Variants in LGALSL observed in about 807,000 individuals in gnomAD.
LGALSL encodes galectin like, also known as galectin-related protein.
In LGALSL, 13 loss-of-function variants were observed where a neutral mutation model predicts 19.5. The observed-to-expected ratio is 0.67, with a 90% CI of 0.43 to 1.06. The LOEUF (loss-of-function observed/expected upper bound fraction) is 1.06. Among genes scored for constraint, LGALSL ranks in the 50% least tolerant of loss-of-function variants. LGALSL has a pLI of 0.00. For synonymous variants in LGALSL, 86 were observed against 78.3 expected (o/e 1.10, Z -0.52); for missense variants, 189 against 219.3 (o/e 0.86, Z 0.87).
Position 64,454,520 on chromosome 2 carries a change from C to T in LGALSL, c.-26C>T. 2.2e-6 allele frequency: 3 copies of T among 1,391,892 alleles called. No individual in the cohort carries two copies. Among genetic ancestry groups the T allele is most frequent in the Non-Finnish European group, 2.8e-6 (3 of 1,066,372 alleles). 86.2% of individuals were successfully genotyped at this position (1,391,892 alleles called of 1,614,324 possible). On this transcript the variant is annotated 5_prime_UTR_variant, in exon 1 of 5. In the 5' UTR this introduces an upstream ATG that the reference lacks. Coordinates refer to ENST00000238875, the MANE Select transcript of LGALSL (RefSeq NM_014181.3). This position sits in a 1 kb window ranked among gnomAD's most constrained non-coding sequence, Gnocchi z 5.1. Reference sequence around the variant, plus strand: ...ATCCCCGCCCGCGCGCCGCGTCCCACGTACCCCGCCGCGCCGGGCAAGAAG... The same window carrying T: ...ATCCCCGCCCGCGCGCCGCGTCCCATGTACCCCGCCGCGCCGGGCAAGAAG...
Position 64,455,305 on chromosome 2 carries a change from G to A in LGALSL, c.37-39G>A, listed in dbSNP as rs568010573. 60 of 1,392,020 alleles carry A rather than the reference G, an allele frequency of 4.3e-5. 1 individual carries two copies. In the Admixed American group the frequency reaches 8.5e-4, roughly 20 times the overall value. The allele number at this position is 1,392,020 out of a possible 1,614,324, so 86.2% of individuals were successfully genotyped here. On this transcript the variant is annotated intron_variant, in intron 1 of 4. Coordinates refer to ENST00000238875, the MANE Select transcript of LGALSL (RefSeq NM_014181.3). ...GTTCTTCCTCCAGCCCCCCAAAAAA[G>A]AGCCCATGGAAAGCCAATCTGTGTA...
At position 64,454,433 on chromosome 2, in the gene LGALSL, G is replaced by GCGCGCCCGCCGCCAGCTCGGACC; in HGVS notation, c.-105_-83dup. On this transcript the variant is annotated 5_prime_UTR_variant, in exon 1 of 5. Coordinates refer to ENST00000238875, the MANE Select transcript of LGALSL (RefSeq NM_014181.3). The surrounding 1 kb of genome is among the most constrained non-coding windows in gnomAD (Gnocchi z 5.1). ...CGCGCGCGCGCCCCCTCGTGTGTGC[G>GCGCGCCCGCCGCCAGCTCGGACC]CGCGCCCGCCGCCAGCTCGGACCCG... 2.2e-6 allele frequency: 1 copy of GCGCGCCCGCCGCCAGCTCGGACC among 447,824 alleles called. No individual in the cohort carries two copies. The highest frequency in any genetic ancestry group is 4.8e-5 in the East Asian group (1 of 20,710). The allele number at this position is 447,824 out of a possible 1,614,324, so 27.7% of individuals were successfully genotyped here.
rs1553386174 is a variant in LGALSL at position 64,459,350 on chromosome 2, CAAAG to C, written c.*924_*927del. On this transcript the variant is annotated 3_prime_UTR_variant, in exon 5 of 5. Transcript: ENST00000238875. The stretch of plus-strand genomic sequence containing the variant: ...ATTAAGTTGTTATTAATCAAAAACA[CAAAG>C]AGGTGATTGCTTAGACAATTTTTAA... The C allele has an allele frequency of 6.6e-5, 10 of 152,064 alleles. No individual in the cohort carries two copies. Among genetic ancestry groups the C allele is most frequent in the Non-Finnish European group, 7.4e-5 (5 of 68,010 alleles). 9.4% of individuals were successfully genotyped at this position (152,064 alleles called of 1,614,324 possible). A position where few individuals can be genotyped will look rare whatever the true frequency, so the allele number is the denominator to read the frequency against.
intron 4 of LGALSL, among the ~76,000 whole-genome samples, chr2:64,456,796 G>A (rs889818122): frequency 6.6e-6 from 1 of 152,106 alleles, no homozygotes; most frequent in African/African-American, 2.4e-5. Context: ...TCAATACTAA[G>A]TACCCACTTA....
Position 64,458,498 on chromosome 2 carries a change from C to T in LGALSL, c.*70C>T. Reference sequence around the variant, plus strand: ...CTGACTGTTGGTCTGGAAGAAGTGTCCTAGCAAGATCTGGAGACTTAAAAA... The same window carrying T: ...CTGACTGTTGGTCTGGAAGAAGTGTTCTAGCAAGATCTGGAGACTTAAAAA... On this transcript the variant is annotated 3_prime_UTR_variant, in exon 5 of 5. Transcript: ENST00000238875. 1 of 1,445,452 alleles carries T rather than the reference C, an allele frequency of 6.9e-7. No homozygotes were observed. Among genetic ancestry groups the T allele is most frequent in the East Asian group, 2.3e-5 (1 of 43,108 alleles). 89.5% of individuals were successfully genotyped at this position (1,445,452 alleles called of 1,614,324 possible).
In LGALSL at chr2:64,459,160, G is replaced by C. The variant is rs374359424; in HGVS notation, c.*732G>C. On this transcript the variant is annotated 3_prime_UTR_variant, in exon 5 of 5. Transcript: ENST00000238875. Reference sequence around the variant, plus strand: ...GATCTCTTGATATAAACTGCTGTAAGTGCTTTTGGGAAACCTTTGCAAAAC... The same window carrying C: ...GATCTCTTGATATAAACTGCTGTAACTGCTTTTGGGAAACCTTTGCAAAAC... 1 of 152,182 alleles carries C rather than the reference G, an allele frequency of 6.6e-6. No individual in the cohort carries two copies. Among genetic ancestry groups the C allele is most frequent in the East Asian group, 1.9e-4 (1 of 5,198 alleles). 9.4% of individuals were successfully genotyped at this position (152,182 alleles called of 1,614,324 possible). A position where few individuals can be genotyped will look rare whatever the true frequency, so the allele number is the denominator to read the frequency against.
In LGALSL at chr2:64,455,351, A is replaced by G. The variant is rs140862812; in HGVS notation, c.44A>G (p.Asp15Gly). Residue 15 changes from aspartate to glycine, a missense_variant, in exon 2 of 5, where the codon GAT becomes GGT. Physicochemically the swap from Asp to Gly is moderately conservative, Grantham distance 94. Around this residue, in one of 3 missense-constraint regions of LGALSL, gnomAD observed 62 missense variants for 49.0 expected, o/e 1.27. Transcript: ENST00000238875. ...GTGTACTTCTATTTTTAGAAACTAG[A>G]TGATGGCCATTTAAACAACTCTTTG... ...VADSDAVVKLDDGHLNNSLSS... is the reference protein window; with the variant it reads ...VADSDAVVKLGDGHLNNSLSS... The G allele has an allele frequency of 1.2e-4, 196 of 1,612,252 alleles. 2 individuals carry two copies. In the East Asian group the frequency reaches 3.7e-3, roughly 31 times the overall value.
Position 64,454,454 on chromosome 2 carries a change from A to ACCCGCGCC in LGALSL, c.-86_-79dup. ...GTGCGCGCGCCCGCCGCCAGCTCGG[A>ACCCGCGCC]CCCGCGCCCCCGCCCCCGCCCCGCG... On this transcript the variant is annotated 5_prime_UTR_variant, in exon 1 of 5. Coordinates refer to ENST00000238875, the MANE Select transcript of LGALSL (RefSeq NM_014181.3). The surrounding 1 kb of genome is among the most constrained non-coding windows in gnomAD (Gnocchi z 5.1). 1 of 561,874 alleles carries ACCCGCGCC rather than the reference A, an allele frequency of 1.8e-6. No individual in the cohort carries two copies. The highest frequency in any genetic ancestry group is 2.4e-6 in the Non-Finnish European group (1 of 410,460). The allele number at this position is 561,874 out of a possible 1,614,324, so 34.8% of individuals were successfully genotyped here.
chr2:64,454,430 T>C lies in LGALSL; in HGVS notation c.-116T>C, dbSNP rs1355646924. On this transcript the variant is annotated 5_prime_UTR_variant, in exon 1 of 5. Transcript: ENST00000238875. The surrounding 1 kb of genome is among the most constrained non-coding windows in gnomAD (Gnocchi z 5.1). ...GCGCGCGCGCGCGCCCCCTCGTGTG[T>C]GCGCGCGCCCGCCGCCAGCTCGGAC... 4.0e-5 allele frequency: 17 copies of C among 430,016 alleles called. No individual in the cohort carries two copies. The South Asian group carries it at 5.5e-4, about 14-fold the overall frequency. 26.6% of individuals were successfully genotyped at this position (430,016 alleles called of 1,614,324 possible). A position where few individuals can be genotyped will look rare whatever the true frequency, so the allele number is the denominator to read the frequency against.
Position 64,461,353 on chromosome 2 carries a change from G to A in LGALSL, c.*2925G>A, listed in dbSNP as rs1263203776. On this transcript the variant is annotated 3_prime_UTR_variant, in exon 5 of 5. Transcript: ENST00000238875. ...ATTATGTCACTGCTGAAAGTAATTT[G>A]CACTATAATAAAGGAATTTTCTACA... 6.6e-6 allele frequency: 1 copy of A among 152,150 alleles called. No homozygotes were observed. Among genetic ancestry groups the A allele is most frequent in the African/African-American group, 2.4e-5 (1 of 41,424 alleles). 9.4% of individuals were successfully genotyped at this position (152,150 alleles called of 1,614,324 possible).
rs1686707569 is a variant in LGALSL, at chr2:64,454,884, T to C, written c.36+303T>C. 6.8e-6 allele frequency among the ~76,000 whole-genome samples: 1 copy of C among 147,982 alleles called. No homozygotes were observed. The highest frequency in any genetic ancestry group is 2.5e-5 in the African/African-American group (1 of 40,046). On this transcript the variant is annotated intron_variant, in intron 1 of 4. Transcript: ENST00000238875. This position sits in a 1 kb window ranked among gnomAD's most constrained non-coding sequence, Gnocchi z 5.1. ...AGCCAGGTGTGCGCGTGGGTGAGTG[T>C]GTCCGGGGCGCGCGCCCCGCCACCG...
In LGALSL at chr2:64,454,528, G is replaced by A. The variant is rs764705269; in HGVS notation, c.-18G>A. 2.1e-6 allele frequency: 3 copies of A among 1,410,488 alleles called. No homozygotes were observed. The highest frequency in any genetic ancestry group is 3.0e-5 in the African/African-American group (2 of 66,994). 87.4% of individuals were successfully genotyped at this position (1,410,488 alleles called of 1,614,324 possible). A position where few individuals can be genotyped will look rare whatever the true frequency, so the allele number is the denominator to read the frequency against. On this transcript the variant is annotated 5_prime_UTR_variant, in exon 1 of 5. Coordinates refer to ENST00000238875, the MANE Select transcript of LGALSL (RefSeq NM_014181.3). The surrounding 1 kb of genome is among the most constrained non-coding windows in gnomAD (Gnocchi z 5.1). ...CCGCGCGCCGCGTCCCACGTACCCCGCCGCGCCGGGCAAGAAGATGGCGGG... is the reference window on the plus strand; with the variant it reads ...CCGCGCGCCGCGTCCCACGTACCCCACCGCGCCGGGCAAGAAGATGGCGGG...
rs1249833510 is a variant in LGALSL, at chr2:64,460,008, T to G, written c.*1580T>G. 6.6e-6 allele frequency: 1 copy of G among 150,564 alleles called. No homozygotes were observed. The highest frequency in any genetic ancestry group is 1.5e-5 in the Non-Finnish European group (1 of 67,936). The allele number at this position is 150,564 out of a possible 1,614,324, so 9.3% of individuals were successfully genotyped here. A position where few individuals can be genotyped will look rare whatever the true frequency, so the allele number is the denominator to read the frequency against. On this transcript the variant is annotated 3_prime_UTR_variant, in exon 5 of 5. Coordinates refer to ENST00000238875, the MANE Select transcript of LGALSL (RefSeq NM_014181.3). Reference sequence around the variant, plus strand: ...ACACATCCTTGTCCTGCTTTCCTTTTTTGAGTTTTTTTTTTTTTTTTACAC... The same window carrying G: ...ACACATCCTTGTCCTGCTTTCCTTTGTTGAGTTTTTTTTTTTTTTTTACAC...
Position 64,454,363 on chromosome 2 carries a change from C to G in LGALSL, c.-183C>G. 2.6e-6 allele frequency: 1 copy of G among 390,714 alleles called. No homozygotes were observed. Among genetic ancestry groups the G allele is most frequent in the Non-Finnish European group, 4.5e-6 (1 of 222,294 alleles). 24.2% of individuals were successfully genotyped at this position (390,714 alleles called of 1,614,324 possible). On this transcript the variant is annotated 5_prime_UTR_variant, in exon 1 of 5. Transcript: ENST00000238875. The surrounding 1 kb of genome is among the most constrained non-coding windows in gnomAD (Gnocchi z 5.1). ...TCGCGCTGCCTCCCTCCCCTCCCCT[C>G]CTCCCAGGCTCTGCCTGCCAGGTCG...
chr2:64,454,665 T>C lies in LGALSL; in HGVS notation c.36+84T>C. On this transcript the variant is annotated intron_variant, in intron 1 of 4. Transcript: ENST00000238875. The surrounding 1 kb of genome is among the most constrained non-coding windows in gnomAD (Gnocchi z 5.1). ...GCCTGCTCCAGCAGTGCTGGGGTGC[T>C]GAGCAGCCGCAGGCCCGGCCGGCGC... 1 of 1,021,040 alleles carries C rather than the reference T, an allele frequency of 9.8e-7. No homozygotes were observed. Among genetic ancestry groups the C allele is most frequent in the Non-Finnish European group, 1.3e-6 (1 of 799,890 alleles). 63.2% of individuals were successfully genotyped at this position (1,021,040 alleles called of 1,614,324 possible). A position where few individuals can be genotyped will look rare whatever the true frequency, so the allele number is the denominator to read the frequency against.
In LGALSL at chr2:64,455,606, G is replaced by T. The variant is rs892685498; in HGVS notation, c.126G>T (p.Gly42=). Residue 42 remains glycine (G), a synonymous_variant, in exon 3 of 5, where the codon GGG becomes GGT. Coordinates refer to ENST00000238875, the MANE Select transcript of LGALSL (RefSeq NM_014181.3). ...CTTTTCAGATAGTTCCATTTTGTGG[G>T]CACATTAAAGGTGGCATGAGACCAG... The part of the protein sequence containing the change: ...YFPRLIVPFC[G]HIKGGMRPGK... 6.2e-7 allele frequency: 1 copy of T among 1,613,856 alleles called. No individual in the cohort carries two copies. The highest frequency in any genetic ancestry group is 1.3e-5 in the African/African-American group (1 of 75,028).
intron 1 of LGALSL, among the ~76,000 whole-genome samples, chr2:64,455,028 G>C (rs114074248): frequency 1.3e-5 from 2 of 152,188 alleles, no homozygotes; most frequent in Middle Eastern, 3.2e-3. Context: ...GGCCCACCGC[G>C]CTTCCAGAAG....
rs896347832 is a variant in LGALSL at position 64,460,921 on chromosome 2, A to G, written c.*2493A>G. Reference sequence around the variant, plus strand: ...TAACAATCAGGCTCTGGGGGAATAGAAAGCAGGCTTTAGACAATCTGTCCA... The same window carrying G: ...TAACAATCAGGCTCTGGGGGAATAGGAAGCAGGCTTTAGACAATCTGTCCA... On this transcript the variant is annotated 3_prime_UTR_variant, in exon 5 of 5. Coordinates refer to ENST00000238875, the MANE Select transcript of LGALSL (RefSeq NM_014181.3). The G allele has an allele frequency of 6.6e-6, 1 of 152,244 alleles. No individual in the cohort carries two copies. The highest frequency in any genetic ancestry group is 2.4e-5 in the African/African-American group (1 of 41,464). 9.4% of individuals were successfully genotyped at this position (152,244 alleles called of 1,614,324 possible).
chr2:64,456,646 A>G (rs924560213), intron 4 of LGALSL, among the ~76,000 whole-genome samples, 181 bp downstream of exon 4: 1 of 152,224 alleles, frequency 6.6e-6, no homozygotes, highest in African/African-American at 2.4e-5. Flanking sequence ...AACACTTGCC[A>G]TAGTATCTTC....
Sources: allele counts gnomAD v4.1 joint callset (sites outside exome capture counted in the v4.1 genomes callset), GRCh38; gene constraint gnomAD v4.1.1; regional missense constraint gnomAD v4.1.1; non-coding constraint Gnocchi (gnomAD v3.1); transcripts MANE v1.5; gene names NCBI Gene and HGNC (gene_info 2026-07-23, HGNC 2026-07-21).